Variants in BNC2 observed in about 807,000 individuals in gnomAD.
BNC2 encodes the protein zinc finger protein basonuclin-2.
In BNC2, 20 loss-of-function variants were observed where a neutral mutation model predicts 76.3. That is an observed-to-expected ratio of 0.26 (90% confidence interval 0.18 to 0.38). BNC2 has a LOEUF of 0.38. Ranked by LOEUF, BNC2 falls within the 10% of genes least tolerant of loss-of-function variation. BNC2 has a pLI of 1.00. For missense variants in BNC2, 1,382 were observed against 1,399.8 expected (o/e 0.99, Z 0.20); for synonymous variants, 582 against 514.8 (o/e 1.13, Z -1.77).
intron 5 of BNC2, among the ~76,000 whole-genome samples, chr9:16,522,699 C>T (rs1817657161): frequency 1.3e-5 from 2 of 152,038 alleles, no homozygotes; most frequent in African/African-American, 2.4e-5. Context: ...ACTTATTCCC[C>T]CTTTCCATCC....
chr9:16,512,372 A>G (rs1227989137), intron 5 of BNC2, among the ~76,000 whole-genome samples: 1 of 152,204 alleles, frequency 6.6e-6, no homozygotes, highest in Admixed American at 6.5e-5. Flanking sequence ...CCTCAAGCCA[A>G]TAACTCACAA....
chr9:16,553,279 C>A (rs541420446), intron 4 of BNC2, among the ~76,000 whole-genome samples: 2 of 152,246 alleles, frequency 1.3e-5, no homozygotes, highest in East Asian at 1.9e-4. Flanking sequence ...CTTTAGACGA[C>A]AGGGGTGAAA....
At chr9:16,742,718 A>G (rs988240280) in intron 1 of BNC2, among the ~76,000 whole-genome samples, 13 of 152,266 alleles carry the variant, frequency 8.5e-5, no homozygotes, top group African/African-American at 2.6e-4. Flanking sequence ...AACCAATACT[A>G]AATACTTTAT....
At chr9:16,489,309 A>G (rs1185948888) in intron 5 of BNC2, among the ~76,000 whole-genome samples, 1 of 152,222 alleles carries the variant, frequency 6.6e-6, no homozygotes, top group Non-Finnish European at 1.5e-5. Context: ...TAAGGAAATC[A>G]ATTTTTAATT....
intron 3 of BNC2, chr9:16,704,868 G>A (rs1385721846): frequency 6.6e-6 from 1 of 152,602 alleles, no homozygotes; most frequent in Non-Finnish European, 1.5e-5. Flanking sequence ...GAGGCCAGGG[G>A]AGGGGGCCCG....
chr9:16,600,478 C>T (rs1357641354), intron 3 of BNC2, among the ~76,000 whole-genome samples: 2 of 152,104 alleles, frequency 1.3e-5, no homozygotes, highest in Non-Finnish European at 2.9e-5. Context: ...TGTATTTGTA[C>T]AGTATTATTT....
At chr9:16,685,610 CA>C (rs1314917811) in intron 3 of BNC2, 4 of 1,304,136 alleles carry the variant, frequency 3.1e-6, no homozygotes, top group Non-Finnish European at 4.0e-6. Flanking sequence ...AGCACTCTGC[CA>C]GTACATGCCA....
At chr9:16,656,946 A>G (rs1360071747) in intron 3 of BNC2, among the ~76,000 whole-genome samples, 1 of 152,208 alleles carries the variant, frequency 6.6e-6, no homozygotes, top group East Asian at 1.9e-4. Context: ...AGGGAGAAGG[A>G]CAAGTCTAAG....
At chr9:16,473,021 C>A (rs998893019) in intron 5 of BNC2, among the ~76,000 whole-genome samples, 1 of 152,062 alleles carries the variant, frequency 6.6e-6, no homozygotes, top group African/African-American at 2.4e-5. Flanking sequence ...CAGGAGACAA[C>A]AGTGGAAAAG....
intron 3 of BNC2, among the ~76,000 whole-genome samples, chr9:16,635,240 A>C (rs960686936): frequency 6.6e-6 from 1 of 152,118 alleles, no homozygotes; most frequent in Non-Finnish European, 1.5e-5. Context: ...AGATAACTAG[A>C]CTCTTTAAAA....
At chr9:16,519,626 A>G (rs1204908883) in intron 5 of BNC2, among the ~76,000 whole-genome samples, 3 of 152,234 alleles carry the variant, frequency 2.0e-5, no homozygotes, top group Non-Finnish European at 4.4e-5. Flanking sequence ...CCATGCTGTT[A>G]GCAGACAATG....
chr9:16,568,710 C>G (rs554655300), intron 4 of BNC2, among the ~76,000 whole-genome samples: 1 of 152,114 alleles, frequency 6.6e-6, no homozygotes, highest in African/African-American at 2.4e-5. Flanking sequence ...TAATAAAAGC[C>G]TTAACACTTG....
rs5896710 is a variant in BNC2 at position 16,856,277 on chromosome 9, TCACACACACA to T, written c.3+14359_3+14368del. Among the ~76,000 whole-genome samples, 7 of 148,228 alleles carry T rather than the reference TCACACACACA, an allele frequency of 4.7e-5. No individual in the cohort carries two copies. In the South Asian group the frequency reaches 8.5e-4, roughly 18 times the overall value. ...TCTTCACACACACTCTCTCTCTCTC[TCACACACACA>T]CACACACACACACACAAATTCCAGC... On this transcript the variant is annotated intron_variant, in intron 1 of 6. Coordinates refer to ENST00000380672, the MANE Select transcript of BNC2 (RefSeq NM_017637.6).
At chr9:16,498,222 C>CATATATATATATATTCCATCAT (rs201159586) in intron 5 of BNC2, among the ~76,000 whole-genome samples, 1 of 90,780 alleles carries the variant, frequency 1.1e-5, no homozygotes, top group African/African-American at 3.8e-5. Flanking sequence ...TATATTCCAT[C>CATATATATATATATTCCATCAT]ATATATATAT....
intron 5 of BNC2, among the ~76,000 whole-genome samples, chr9:16,490,002 A>C (rs1460503695): frequency 6.6e-6 from 1 of 152,200 alleles, no homozygotes; most frequent in Non-Finnish European, 1.5e-5. Flanking sequence ...TTCTGCAAGA[A>C]AACAATACAC....
chr9:16,777,138 T>C (rs1586875074), intron 1 of BNC2, among the ~76,000 whole-genome samples: 1 of 150,358 alleles, frequency 6.7e-6, no homozygotes, highest in East Asian at 2.0e-4. Context: ...AAAAAAATAA[T>C]TAATTAATAA....
At chr9:16,811,295 A>C (rs902236368) in intron 1 of BNC2, among the ~76,000 whole-genome samples, 2 of 151,158 alleles carry the variant, frequency 1.3e-5, no homozygotes, top group African/African-American at 4.9e-5. Flanking sequence ...TCACGCCTGT[A>C]ATCCCAGAAC....
intron 1 of BNC2, among the ~76,000 whole-genome samples, chr9:16,808,940 C>T (rs992706855): frequency 1.3e-5 from 2 of 152,000 alleles, no homozygotes; most frequent in African/African-American, 4.8e-5. Context: ...ACTTGGCTGT[C>T]CCCTAAAGAA....
intron 1 of BNC2, among the ~76,000 whole-genome samples, chr9:16,846,966 G>A (rs1386500229): frequency 1.3e-5 from 2 of 152,126 alleles, no homozygotes; most frequent in South Asian, 2.1e-4. Context: ...GGAAACACCC[G>A]AAACTTAACT....
Sources: gnomAD v4.1 joint callset for allele counts (sites outside exome capture counted in the v4.1 genomes callset) on GRCh38, gnomAD v4.1.1 for gene constraint, MANE v1.5 for transcripts, NCBI Gene and HGNC (gene_info 2026-07-23, HGNC 2026-07-21) for gene names.